Variants in BOD1L1 observed in about 807,000 individuals in gnomAD.
BOD1L1 encodes the protein biorientation of chromosomes in cell division 1 like 1.
In BOD1L1, 86 loss-of-function variants were observed where a neutral mutation model predicts 240.7. The ratio of observed to expected loss-of-function variants is 0.36; its 90% CI spans 0.30 to 0.43. The LOEUF (loss-of-function observed/expected upper bound fraction) is 0.43. Among genes scored for constraint, BOD1L1 ranks in the 20% least tolerant of loss-of-function variants. BOD1L1 has a pLI of 1.00. For missense variants in BOD1L1, 3,554 were observed against 3,643.5 expected, an observed-to-expected ratio of 0.98 and a Z score of 0.63; for synonymous variants, 1,268 against 1,272.3, an observed-to-expected ratio of 1.00 and a Z score of 0.07.
rs147498428 is a variant in BOD1L1, at chr4:13,599,455, C to G, written c.7445G>C (p.Gly2482Ala). The change falls in exon 10 of 26, where the codon GGG becomes GCG. Residue 2482 changes from glycine (G) to alanine (A), a missense_variant. Around this residue, in one of 2 missense-constraint regions of BOD1L1, gnomAD observed 3,393 missense variants for 3,427.1 expected, o/e 0.99. Transcript: ENST00000040738. The stretch of plus-strand genomic sequence containing the variant: ...TGAATAACTTGCTGTGCTACTGCCC[C>G]CTGCTGTCCCTGTCTCTGGGCTCTT... The part of the protein sequence containing the change: ...EDKSPETGTA[G>A]GSSTASYSAG... 8.6e-5 allele frequency: 138 copies of G among 1,613,884 alleles called. No homozygotes were observed. The highest frequency in any genetic ancestry group is 3.3e-4 in the Admixed American group (20 of 60,006).
chr4:13,620,879 C>T (rs1008295518), intron 1 of BOD1L1, among the ~76,000 whole-genome samples: 2 of 152,150 alleles, frequency 1.3e-5, no homozygotes, highest in African/African-American at 4.8e-5. Flanking sequence ...TGAGGTAAGG[C>T]AATGGTTCTC....
chr4:13,627,109 T>C (rs77194843), intron 1 of BOD1L1, among the ~76,000 whole-genome samples: 1 of 152,216 alleles, frequency 6.6e-6, no homozygotes, highest in Admixed American at 6.5e-5. Context: ...AACAATGCCT[T>C]AGTCTTGCTC....
chr4:13,581,182 CT>C lies in BOD1L1; in HGVS notation c.8617del (p.Arg2873GlyfsTer11). On this transcript the variant is annotated frameshift_variant, in exon 20 of 26. Transcript: ENST00000040738. LOFTEE classifies it high-confidence loss of function. ...QEEDQPIIIK[R>X]KRGRPRKYPV... ...GTATTTGCGAGGTCTTCCTCTTTTC[CT>C]TTTAATAATTATTGGCTGATCTTCC... 1 of 1,571,504 alleles carries C rather than the reference CT, an allele frequency of 6.4e-7. No individual in the cohort carries two copies. Among genetic ancestry groups the C allele is most frequent in the South Asian group, 1.2e-5 (1 of 85,132 alleles).
rs749158752 is a variant in BOD1L1 at position 13,599,940 on chromosome 4, T to G, written c.6960A>C (p.Arg2320Ser). The change falls in exon 10 of 26, where the codon AGA (arginine) becomes AGC (serine). Residue 2320 changes from arginine to serine, a missense_variant. By Grantham distance (110) the Arg-to-Ser change is moderately radical. Coordinates refer to ENST00000040738, the MANE Select transcript of BOD1L1 (RefSeq NM_148894.3). The part of the protein sequence containing the change: ...LQDEDRLTIT[R>S]VEDLSDAAII... The stretch of plus-strand genomic sequence containing the variant: ...TGGCAGCATCGCTCAAGTCTTCTAC[T>G]CTTGTGATGGTGAGCCGATCTTCAT... 34 of 1,613,330 alleles carry G rather than the reference T, an allele frequency of 2.1e-5. 1 individual carries two copies. In the Middle Eastern group the frequency reaches 4.8e-3, roughly 227 times the overall value.
chr4:13,600,444 G>A lies in BOD1L1; in HGVS notation c.6456C>T (p.Phe2152=), dbSNP rs139854434. The A allele has an allele frequency of 1.2e-5, 19 of 1,613,728 alleles. No individual in the cohort carries two copies. Among genetic ancestry groups the A allele is most frequent in the Admixed American group, 8.3e-5 (5 of 60,014 alleles). ...TTGTTGCACTGGAGATAGGCAATTC[G>A]AATTCTTCCCCTATGCTTGTGGAAA... ...AMISTSIGEE[F]ELPISSATTI... Residue 2152 remains phenylalanine, a synonymous_variant, in exon 10 of 26, where the codon TTC becomes TTT. Coordinates refer to ENST00000040738, the MANE Select transcript of BOD1L1 (RefSeq NM_148894.3).
At chr4:13,590,359 C>T (rs1714103150) in intron 14 of BOD1L1, 27 bp downstream of exon 14, 1 of 1,270,370 alleles carries the variant, frequency 7.9e-7, no homozygotes. Context: ...AATATTAAAA[C>T]TATAACTATG....
At chr4:13,597,019 T>C in intron 11 of BOD1L1, 85 bp downstream of exon 11, 1 of 1,079,114 alleles carries the variant, frequency 9.3e-7, no homozygotes, top group Admixed American at 2.0e-5. Context: ...AGGACCTATA[T>C]ACCACATAAG....
chr4:13,603,307 T>G lies in BOD1L1; in HGVS notation c.3593A>C (p.Asp1198Ala), dbSNP rs1641139202. Residue 1198 changes from aspartate (D) to alanine (A), a missense_variant, in exon 10 of 26, where the codon GAT becomes GCT. Transcript: ENST00000040738. ...TTTCTTGGTCAAGGTGCTTCTATGA[T>G]CGGCATGCTTTTCAGAATTACTATT... The part of the protein sequence containing the change: ...GVNSNSEKHA[D>A]HRSTLTKKMH... The G allele has an allele frequency of 6.2e-7, 1 of 1,614,040 alleles. No homozygotes were observed. The highest frequency in any genetic ancestry group is 1.3e-5 in the African/African-American group (1 of 75,052).
chr4:13,577,488 C>T lies in BOD1L1; in HGVS notation c.8800-1G>A. 6.2e-7 allele frequency: 1 copy of T among 1,613,088 alleles called. No homozygotes were observed. The highest frequency in any genetic ancestry group is 8.5e-7 in the Non-Finnish European group (1 of 1,179,530). ...TTACTATTTTTTCTTCACCATCATC[C>T]TAGAAGCAATAAAATTAAAGTCAAA... On this transcript the variant is annotated splice_acceptor_variant, in intron 23 of 25. Coordinates refer to ENST00000040738, the MANE Select transcript of BOD1L1 (RefSeq NM_148894.3). LOFTEE classifies it high-confidence loss of function.
At chr4:13,592,309 A>G (rs970115059) in intron 12 of BOD1L1, 3 of 199,498 alleles carry the variant, frequency 1.5e-5, no homozygotes, top group African/African-American at 7.0e-5. Flanking sequence ...CTGCAGTATA[A>G]CACTGGTTCA....
intron 17 of BOD1L1, among the ~76,000 whole-genome samples, chr4:13,584,497 G>A (rs1280310167): frequency 6.7e-6 from 1 of 148,374 alleles, no homozygotes; most frequent in African/African-American, 2.5e-5. Flanking sequence ...AGCGAGTTTA[G>A]GAGCAGGCAG....
chr4:13,573,216 TA>T (rs1712359257), intron 25 of BOD1L1, among the ~76,000 whole-genome samples: 1 of 152,124 alleles, frequency 6.6e-6, no homozygotes, highest in Admixed American at 6.5e-5. Context: ...AAGGCCCAAG[TA>T]GTCAACTGCA....
At chr4:13,587,579 A>G in intron 16 of BOD1L1, 120 bp downstream of exon 16, 1 of 720,326 alleles carries the variant, frequency 1.4e-6, no homozygotes. Context: ...AATTAGCCTC[A>G]AGACTTGTAA....
chr4:13,590,283 A>G (rs1714096010), intron 14 of BOD1L1, 103 bp downstream of exon 14: 1 of 546,574 alleles, frequency 1.8e-6, no homozygotes, highest in Non-Finnish European at 3.1e-6. Context: ...ATTAAATGAG[A>G]GAAAGTATGT....
intron 12 of BOD1L1, chr4:13,593,526 G>A (rs553844372): frequency 6.4e-4 from 97 of 152,120 alleles, no homozygotes; most frequent in African/African-American, 2.2e-3. Flanking sequence ...AACTTTTTAT[G>A]CATTTCTGTA....
At chr4:13,618,131 C>T (rs1336231358) in intron 2 of BOD1L1, among the ~76,000 whole-genome samples, 1 of 152,156 alleles carries the variant, frequency 6.6e-6, no homozygotes, top group African/African-American at 2.4e-5. Context: ...ATGTGTAAGA[C>T]TTAGTTCCCT....
At chr4:13,580,569 G>A (rs1207977677) in intron 21 of BOD1L1, among the ~76,000 whole-genome samples, 2 of 152,136 alleles carry the variant, frequency 1.3e-5, no homozygotes, top group East Asian at 1.9e-4. Context: ...GTGGGTATAC[G>A]TCAGGGTCAA....
rs1255576231 is a variant in BOD1L1, at chr4:13,600,388, A to T, written c.6512T>A (p.Val2171Asp). The change falls in exon 10 of 26, where the codon GTT (valine) becomes GAT (aspartate). Residue 2171 changes from valine to aspartate, a missense_variant. By Grantham distance (152) the Val-to-Asp change is radical. Coordinates refer to ENST00000040738, the MANE Select transcript of BOD1L1 (RefSeq NM_148894.3). ...TIKCAESLQPVAAAVEERATG... is the reference protein window; with the variant it reads ...TIKCAESLQPDAAAVEERATG... ...AGCCCTTTCTTCCACTGCTGCAGCA[A>T]CCGGCTGAAGACTTTCAGCACACTT... is the stretch of plus-strand genomic sequence containing the variant. The T allele has an allele frequency of 6.2e-7, 1 of 1,613,806 alleles. No individual in the cohort carries two copies. Among genetic ancestry groups the T allele is most frequent in the Non-Finnish European group, 8.5e-7 (1 of 1,179,884 alleles).
chr4:13,585,275 G>A (rs1713579451), intron 17 of BOD1L1, among the ~76,000 whole-genome samples: 1 of 152,104 alleles, frequency 6.6e-6, no homozygotes, highest in Non-Finnish European at 1.5e-5. Flanking sequence ...GAAAAAAAGA[G>A]ACCAAAGTCT....
Sources: allele counts gnomAD v4.1 joint callset (sites outside exome capture counted in the v4.1 genomes callset), GRCh38; gene constraint gnomAD v4.1.1; regional missense constraint gnomAD v4.1.1; transcripts MANE v1.5; gene names NCBI Gene and HGNC (gene_info 2026-07-23, HGNC 2026-07-21).